Variants in PACS1 observed in about 807,000 individuals in gnomAD.
PACS1 encodes PACS-1.
In PACS1, 24 loss-of-function variants were observed where a neutral mutation model predicts 115.0. The observed-to-expected ratio is 0.21, with a 90% CI of 0.15 to 0.29. PACS1 has a LOEUF of 0.29. Ranked by LOEUF, PACS1 falls within the 10% of genes least tolerant of loss-of-function variation. PACS1 has a pLI of 1.00. For synonymous variants in PACS1, 453 were observed against 504.5 expected (o/e 0.90, Z 1.37); for missense variants, 838 against 1,251.2 (o/e 0.67, Z 4.98).
At chr11:66,160,663 ATT>A (rs58145434) in intron 1 of PACS1, among the ~76,000 whole-genome samples, 4 of 116,210 alleles carry the variant, frequency 3.4e-5, no homozygotes, top group Non-Finnish European at 5.2e-5. Context: ...TGCCTGGCTG[ATT>A]TTTTTTTTTT....
At chr11:66,201,161 G>A (rs549065661) in intron 2 of PACS1, among the ~76,000 whole-genome samples, 2 of 152,184 alleles carry the variant, frequency 1.3e-5, no homozygotes, top group African/African-American at 4.8e-5. Context: ...GGAGGTTACA[G>A]TGAGCGGAGA....
chr11:66,095,704 C>T (rs200304493), intron 1 of PACS1, among the ~76,000 whole-genome samples: 1 of 151,998 alleles, frequency 6.6e-6, no homozygotes, highest in African/African-American at 2.4e-5. Context: ...GTGATCCACC[C>T]GCCTTGGCCT....
At chr11:66,093,068 T>G (rs1388620961) in intron 1 of PACS1, among the ~76,000 whole-genome samples, 1 of 151,982 alleles carries the variant, frequency 6.6e-6, no homozygotes, top group Non-Finnish European at 1.5e-5. Context: ...CATTGGTAGC[T>G]TGATGGGGAT....
chr11:66,130,440 G>A (rs965228052), intron 1 of PACS1, among the ~76,000 whole-genome samples: 3 of 151,862 alleles, frequency 2.0e-5, no homozygotes, highest in Admixed American at 1.3e-4. Flanking sequence ...ACATTGCAAG[G>A]GTCCCTGATG....
intron 1 of PACS1, among the ~76,000 whole-genome samples, chr11:66,134,138 C>A (rs560131856): frequency 3.2e-4 from 49 of 152,126 alleles, no homozygotes; most frequent in African/African-American, 1.1e-3. Context: ...AATTCCCCAC[C>A]ATCCCCTTGT....
At chr11:66,084,341 A>G (rs1270087517) in intron 1 of PACS1, 1 of 152,372 alleles carries the variant, frequency 6.6e-6, no homozygotes, top group East Asian at 1.9e-4. Context: ...GGTGAATTAA[A>G]GAGAGAGTAA....
chr11:66,234,925 G>A (rs1413229516), intron 17 of PACS1, among the ~76,000 whole-genome samples: 1 of 152,154 alleles, frequency 6.6e-6, no homozygotes, highest in Non-Finnish European at 1.5e-5. Flanking sequence ...ATCAGAAAGA[G>A]GTTGAGCTCT....
Position 66,220,673 on chromosome 11 carries a change from G to A in PACS1, c.1081G>A (p.Glu361Lys). 1 of 1,614,180 alleles carries A rather than the reference G, an allele frequency of 6.2e-7. No individual in the cohort carries two copies. Reference protein sequence around the residue: ...LEHVSREQIREVEEDLDELYD... With the variant: ...LEHVSREQIRKVEEDLDELYD... ...GCATGTGTCCCGCGAGCAGATCCGG[G>A]AAGTGGAAGAGGACTTGGATGAATT... Residue 361 changes from glutamate to lysine, a missense_variant, in exon 9 of 24, where the codon GAA becomes AAA. Coordinates refer to ENST00000320580, the MANE Select transcript of PACS1 (RefSeq NM_018026.4).
chr11:66,125,843 C>T lies in PACS1; in HGVS notation c.356+55001C>T, dbSNP rs544163009. ...TTACTTGAGGTCGGGAGTTCAAGAC[C>T]AGCCTGGCCAACATGGTGAAACCTC... On this transcript the variant is annotated intron_variant, in intron 1 of 23. Transcript: ENST00000320580. 1.2e-4 allele frequency among the ~76,000 whole-genome samples: 18 copies of T among 152,148 alleles called. No homozygotes were observed. The South Asian group carries it at 3.5e-3, about 30-fold the overall frequency.
At chr11:66,083,524 C>T (rs879476997) in intron 1 of PACS1, among the ~76,000 whole-genome samples, 6 of 152,122 alleles carry the variant, frequency 3.9e-5, no homozygotes, top group Non-Finnish European at 8.8e-5. Context: ...GTCATGGTCT[C>T]CCAAATCTAA....
intron 1 of PACS1, among the ~76,000 whole-genome samples, chr11:66,112,480 G>A (rs1278525508): frequency 1.3e-5 from 2 of 152,138 alleles, no homozygotes; most frequent in African/African-American, 4.8e-5. Context: ...TTAGTCACAT[G>A]CCTCTCGTTG....
intron 19 of PACS1, among the ~76,000 whole-genome samples, chr11:66,237,159 C>T (rs1046549277): frequency 6.6e-6 from 1 of 152,190 alleles, no homozygotes; most frequent in Non-Finnish European, 1.5e-5. Flanking sequence ...CCTCGTGATC[C>T]GGCTGCCTTG....
intron 1 of PACS1, among the ~76,000 whole-genome samples, chr11:66,089,155 A>C (rs917973948): frequency 6.6e-6 from 1 of 152,166 alleles, no homozygotes; most frequent in Admixed American, 6.5e-5. Context: ...GCAGGACTCG[A>C]AGGTTCCCAC....
chr11:66,213,546 C>T (rs1026811169), intron 4 of PACS1, among the ~76,000 whole-genome samples: 3 of 152,250 alleles, frequency 2.0e-5, no homozygotes, highest in African/African-American at 7.2e-5. Flanking sequence ...TGCACTCCCA[C>T]TGAGCAGACA....
chr11:66,216,013 CG>C (rs1855199524), intron 4 of PACS1, 105 bp from the exon 5 acceptor site: 1 of 932,604 alleles, frequency 1.1e-6, no homozygotes, highest in Non-Finnish European at 1.6e-6. Flanking sequence ...AGGAAGAAAA[CG>C]TATCAGCAGA....
intron 1 of PACS1, among the ~76,000 whole-genome samples, chr11:66,149,679 CG>C (rs869237096): frequency 6.8e-5 from 8 of 118,352 alleles, no homozygotes; most frequent in Admixed American, 4.5e-4. Flanking sequence ...ATCTTGTGTT[CG>C]TGTGTGTGTG....
chr11:66,178,802 TAGTC>T (rs1482355276), intron 1 of PACS1, among the ~76,000 whole-genome samples: 1 of 152,150 alleles, frequency 6.6e-6, no homozygotes, highest in Non-Finnish European at 1.5e-5. Context: ...GTATCAACAA[TAGTC>T]AGAAACCTCA....
chr11:66,121,067 A>AGT, intron 1 of PACS1: 1 of 456,202 alleles, frequency 2.2e-6, no homozygotes, highest in Middle Eastern at 3.3e-4. Context: ...CCCTACGTTG[A>AGT]GTAAGTCTGT....
intron 1 of PACS1, among the ~76,000 whole-genome samples, chr11:66,177,673 C>T (rs1239815690): frequency 6.6e-6 from 1 of 151,978 alleles, no homozygotes; most frequent in African/African-American, 2.4e-5. Context: ...TGTAATGGTG[C>T]GATCATAGCT....
Sources: allele counts gnomAD v4.1 joint callset (sites outside exome capture counted in the v4.1 genomes callset), GRCh38; gene constraint gnomAD v4.1.1; transcripts MANE v1.5; gene names NCBI Gene and HGNC (gene_info 2026-07-23, HGNC 2026-07-21).